DIS3L2: variants seen among roughly 807,000 people sequenced by gnomAD.
DIS3L2 encodes the protein DIS3-like exonuclease 2.
In DIS3L2, 34 loss-of-function variants were observed where a neutral mutation model predicts 97.5. That is an observed-to-expected ratio of 0.35 (90% CI 0.27 to 0.46). DIS3L2 has a LOEUF of 0.46. DIS3L2 is among the 20% of genes least tolerant of loss of function. The probability of loss-of-function intolerance (pLI) is 1.00; values close to 1 mark genes in which losing one functional copy is unlikely to be tolerated. For synonymous variants in DIS3L2, 435 were observed against 445.2 expected (o/e 0.98, Z 0.29); for missense variants, 1,038 against 1,146.0 (o/e 0.91, Z 1.36).
At chr2:232,299,210 C>A (rs887436139) in intron 13 of DIS3L2, among the ~76,000 whole-genome samples, 1 of 152,186 alleles carries the variant, frequency 6.6e-6, no homozygotes, top group African/African-American at 2.4e-5. Flanking sequence ...TCTATCCCAG[C>A]CCCCCTGGCC....
chr2:232,324,317 G>A (rs1340365377), intron 14 of DIS3L2, among the ~76,000 whole-genome samples: 3 of 152,274 alleles, frequency 2.0e-5, no homozygotes, highest in East Asian at 1.9e-4. Context: ...TCAAAGCCAC[G>A]TTAGCAGTTT....
chr2:232,338,252 C>G (rs1322260062), downstream of DIS3L2, among the ~76,000 whole-genome samples: 1 of 152,090 alleles, frequency 6.6e-6, no homozygotes, highest in African/African-American at 2.4e-5. Flanking sequence ...TGACCCTGTC[C>G]CCCAGGGCCT....
intron 4 of DIS3L2, 66 bp from the exon 5 acceptor site, chr2:232,029,913 G>A: frequency 3.5e-6 from 4 of 1,150,766 alleles, no homozygotes; most frequent in Non-Finnish European, 5.0e-6. Flanking sequence ...TATGAAAGCA[G>A]GCAATCTGTT....
intron 5 of DIS3L2, among the ~76,000 whole-genome samples, chr2:232,073,300 A>ACATGCTT (rs1696088898): frequency 6.6e-6 from 1 of 152,194 alleles, no homozygotes; most frequent in South Asian, 2.1e-4. Context: ...GGACTTCCTG[A>ACATGCTT]CATGCTTTAG....
chr2:232,226,912 G>A (rs1692665204), intron 10 of DIS3L2, among the ~76,000 whole-genome samples: 1 of 152,154 alleles, frequency 6.6e-6, no homozygotes, highest in Non-Finnish European at 1.5e-5. Flanking sequence ...GGAAGCTGCA[G>A]TGGGCCATGA....
chr2:232,270,860 G>GTCTCTCTCTCTCTCTCTCTCTCTC (rs71056262), intron 13 of DIS3L2, among the ~76,000 whole-genome samples: 3 of 103,874 alleles, frequency 2.9e-5, no homozygotes, highest in Non-Finnish European at 4.0e-5. Flanking sequence ...TCTTTTTCTC[G>GTCTCTCTCTCTCTCTCTCTCTCTC]TCTCTCTCTC....
At chr2:232,154,865 C>T (rs1211173532) in intron 8 of DIS3L2, among the ~76,000 whole-genome samples, 2 of 50,348 alleles carry the variant, frequency 4.0e-5, no homozygotes, top group East Asian at 5.5e-4. Context: ...ATTCCGTGGG[C>T]GTAGGACCCT....
chr2:232,329,785 T>TCCCGGGGGGA, intron 14 of DIS3L2, 28 bp from the exon 15 acceptor site: 1 of 967,144 alleles, frequency 1.0e-6, no homozygotes, highest in Non-Finnish European at 1.5e-6. Context: ...ACCCCAGCGG[T>TCCCGGGGGGA]CCCTCCCATC....
At chr2:232,207,124 A>G (rs1276993533) in intron 9 of DIS3L2, among the ~76,000 whole-genome samples, 1 of 152,134 alleles carries the variant, frequency 6.6e-6, no homozygotes, top group Admixed American at 6.5e-5. Flanking sequence ...GCTTTTTATG[A>G]TGTCATTATG....
intron 5 of DIS3L2, among the ~76,000 whole-genome samples, chr2:232,086,659 A>ATGTGTG (rs753898708): frequency 0.049 from 4,527 of 92,112 alleles, 678 homozygotes; most frequent in East Asian, 0.46. Context: ...ATATATATAT[A>ATGTGTG]TGTGTGTGTG....
Position 232,025,693 on chromosome 2 carries a change from G to A in DIS3L2, c.264+1363G>A, listed in dbSNP as rs117361474. The stretch of plus-strand genomic sequence containing the variant: ...TACGAGAAGTGCAGTTTACATATGT[G>A]TTAGTTTCCAGAATTTGCTCATAAG... On this transcript the variant is annotated intron_variant, in intron 4 of 20. Transcript: ENST00000325385. Among the ~76,000 whole-genome samples, 149 of 152,250 alleles carry A rather than the reference G, an allele frequency of 9.8e-4. 2 individuals carry two copies. The East Asian group carries it at 0.025, about 25-fold the overall frequency.
At chr2:232,252,249 A>T (rs1693439157) in intron 12 of DIS3L2, among the ~76,000 whole-genome samples, 1 of 152,166 alleles carries the variant, frequency 6.6e-6, no homozygotes, top group Admixed American at 6.5e-5. Flanking sequence ...CTCTACTAAA[A>T]GTACAAAAAA....
intron 3 of DIS3L2, among the ~76,000 whole-genome samples, chr2:232,022,079 G>T (rs569110874): frequency 6.6e-6 from 1 of 152,262 alleles, no homozygotes; most frequent in South Asian, 2.1e-4. Flanking sequence ...TGAGTAAGAC[G>T]AGATCTGTGG....
chr2:232,166,789 G>A (rs1032380973), intron 9 of DIS3L2, among the ~76,000 whole-genome samples: 1 of 152,074 alleles, frequency 6.6e-6, no homozygotes, highest in Admixed American at 6.6e-5. Flanking sequence ...GGGAGGCCAA[G>A]GTGGGTGGAT....
intron 13 of DIS3L2, among the ~76,000 whole-genome samples, chr2:232,299,818 G>A (rs997952206): frequency 6.6e-6 from 1 of 152,188 alleles, no homozygotes; most frequent in Admixed American, 6.5e-5. Context: ...AAACGTATTG[G>A]TTGCATGCTG....
intron 8 of DIS3L2, among the ~76,000 whole-genome samples, chr2:232,160,778 C>G (rs1009468711): frequency 6.6e-6 from 1 of 152,092 alleles, no homozygotes; most frequent in Non-Finnish European, 1.5e-5. Flanking sequence ...ATTGCTTGAG[C>G]CTGGGAAGTC....
chr2:232,335,991 C>T (rs763930155), intron 20 of DIS3L2, 117 bp downstream of exon 20: 14 of 1,529,250 alleles, frequency 9.2e-6, no homozygotes, highest in African/African-American at 5.5e-5. Flanking sequence ...TGCAGCCTCC[C>T]GGGTGGGGTT....
At chr2:232,257,319 C>T (rs1017104452) in intron 12 of DIS3L2, among the ~76,000 whole-genome samples, 5 of 152,164 alleles carry the variant, frequency 3.3e-5, no homozygotes, top group Admixed American at 6.5e-5. Flanking sequence ...AAGTTTGCGT[C>T]CTTTCCACCA....
chr2:231,971,886 T>A (rs1390686658), intron 1 of DIS3L2, among the ~76,000 whole-genome samples: 1 of 150,798 alleles, frequency 6.6e-6, no homozygotes, highest in African/African-American at 2.4e-5. Context: ...CGGCCCATCT[T>A]TTTTAAATAA....
Sources: gnomAD v4.1 joint callset for allele counts (sites outside exome capture counted in the v4.1 genomes callset) on GRCh38, gnomAD v4.1.1 for gene constraint, MANE v1.5 for transcripts, NCBI Gene and HGNC (gene_info 2026-07-23, HGNC 2026-07-21) for gene names.